The following TBC1D22A variants were observed in gnomAD, a reference collection of about 807,000 sequenced individuals.
The protein encoded by TBC1D22A is TBC1 domain family member 22A, also known as putative GTPase activator.
TBC1D22A carries 38 observed loss-of-function variants against 60.2 expected under a neutral mutation model. The ratio of observed to expected loss-of-function variants is 0.63; its 90% CI spans 0.49 to 0.83. The LOEUF (loss-of-function observed/expected upper bound fraction) is 0.83. Among genes scored for constraint, TBC1D22A ranks in the 40% least tolerant of loss-of-function variants. TBC1D22A has a pLI of 0.00. For missense variants in TBC1D22A, 628 were observed against 701.0 expected, an observed-to-expected ratio of 0.90 and a Z score of 1.18; for synonymous variants, 302 against 281.7, an observed-to-expected ratio of 1.07 and a Z score of -0.72.
chr22:46,928,348 G>C (rs572530029), intron 8 of TBC1D22A, among the ~76,000 whole-genome samples: 155 of 152,330 alleles, frequency 1.0e-3, no homozygotes, highest in African/African-American at 3.5e-3. Flanking sequence ...CCAACCAGTA[G>C]TCCTGGGACG....
At chr22:47,131,165 G>A (rs2066665068) in intron 12 of TBC1D22A, among the ~76,000 whole-genome samples, 1 of 152,182 alleles carries the variant, frequency 6.6e-6, no homozygotes, top group South Asian at 2.1e-4. Flanking sequence ...TGACCCAGAT[G>A]CCTCCCACCA....
intron 12 of TBC1D22A, among the ~76,000 whole-genome samples, chr22:47,165,174 C>T (rs539762083): frequency 1.8e-4 from 28 of 152,168 alleles, no homozygotes; most frequent in African/African-American, 6.0e-4. Context: ...TGCCAGGGCT[C>T]GTGATTGCCA....
intron 4 of TBC1D22A, among the ~76,000 whole-genome samples, chr22:46,852,870 A>G (rs1050741533): frequency 2.0e-5 from 3 of 152,096 alleles, no homozygotes; most frequent in African/African-American, 7.2e-5. Flanking sequence ...CTGGAGTTCC[A>G]TGTCACTGGC....
chr22:46,825,191 A>G (rs1219182296), intron 4 of TBC1D22A, among the ~76,000 whole-genome samples: 1 of 152,174 alleles, frequency 6.6e-6, no homozygotes, highest in Non-Finnish European at 1.5e-5. Flanking sequence ...AATAACTTAA[A>G]ATCGATGACT....
At position 47,077,281 on chromosome 22, in the gene TBC1D22A, A is replaced by G. The variant is rs573455612; in HGVS notation, c.1330-34227A>G. On this transcript the variant is annotated intron_variant, in intron 11 of 12. Coordinates refer to ENST00000337137, the MANE Select transcript of TBC1D22A (RefSeq NM_014346.5). Reference sequence around the variant, plus strand: ...TACATACTATCTCCTCTGCCTAGACATCTTTTCCTCTTTCCCTGGTGAGTG... The same window carrying G: ...TACATACTATCTCCTCTGCCTAGACGTCTTTTCCTCTTTCCCTGGTGAGTG... Among the ~76,000 whole-genome samples the G allele has an allele frequency of 2.2e-4, 34 of 152,260 alleles. No individual in the cohort carries two copies. The East Asian group carries it at 2.3e-3, about 10-fold the overall frequency.
At chr22:46,833,578 A>C (rs2086399426) in intron 4 of TBC1D22A, among the ~76,000 whole-genome samples, 1 of 152,214 alleles carries the variant, frequency 6.6e-6, no homozygotes, top group Non-Finnish European at 1.5e-5. Context: ...GATAAGACTC[A>C]AGCCAGCAAC....
rs1336323510 is a variant in TBC1D22A, at chr22:47,024,796, G to A, written c.1202-12275G>A. Among the ~76,000 whole-genome samples, 4 of 152,254 alleles carry A rather than the reference G, an allele frequency of 2.6e-5. No individual in the cohort carries two copies. In the East Asian group the frequency reaches 7.7e-4, roughly 29 times the overall value. On this transcript the variant is annotated intron_variant, in intron 10 of 12. Coordinates refer to ENST00000337137, the MANE Select transcript of TBC1D22A (RefSeq NM_014346.5). ...TGCTTGGGCCCAGGAAGTCAAGGCT[G>A]CAGTGAGCCATGATCACGCTGCAGC...
chr22:47,129,624 G>A, intron 12 of TBC1D22A, among the ~76,000 whole-genome samples: 1 of 152,376 alleles, frequency 6.6e-6, no homozygotes, highest in South Asian at 2.1e-4. Context: ...CCTAGAGGAA[G>A]GCTCAGCAGA....
chr22:47,107,625 CTGAT>C (rs2065686759), intron 11 of TBC1D22A, among the ~76,000 whole-genome samples: 1 of 152,176 alleles, frequency 6.6e-6, no homozygotes, highest in Non-Finnish European at 1.5e-5. Context: ...AGTCAGAAGA[CTGAT>C]TAAGAGCTAT....
chr22:46,784,356 T>C (rs933250875), intron 1 of TBC1D22A, among the ~76,000 whole-genome samples: 1 of 152,208 alleles, frequency 6.6e-6, no homozygotes, highest in African/African-American at 2.4e-5. Context: ...CCACCATACC[T>C]GGCTGGTTAA....
intron 9 of TBC1D22A, among the ~76,000 whole-genome samples, chr22:46,982,469 G>T (rs561815104): frequency 1.3e-5 from 2 of 150,382 alleles, no homozygotes; most frequent in East Asian, 4.0e-4. Context: ...TGATCCACCC[G>T]CCTCGGCCTC....
chr22:46,808,555 T>C (rs2147011714), intron 4 of TBC1D22A, among the ~76,000 whole-genome samples: 1 of 152,022 alleles, frequency 6.6e-6, no homozygotes, highest in East Asian at 1.9e-4. Flanking sequence ...TTATTGTGTG[T>C]GGTGAAATGT....
chr22:46,769,567 A>G (rs1375990342), intron 1 of TBC1D22A, among the ~76,000 whole-genome samples: 2 of 152,082 alleles, frequency 1.3e-5, no homozygotes, highest in East Asian at 1.9e-4. Context: ...ACCTGGCTGT[A>G]CAGCAGGAAC....
intron 4 of TBC1D22A, among the ~76,000 whole-genome samples, chr22:46,833,678 A>G (rs2086403224): frequency 6.6e-6 from 1 of 152,250 alleles, no homozygotes. Flanking sequence ...ACAACTGAGC[A>G]GAGGAGCTTG....
At chr22:46,917,846 T>C (rs1415733341) in intron 8 of TBC1D22A, among the ~76,000 whole-genome samples, 1 of 152,158 alleles carries the variant, frequency 6.6e-6, no homozygotes. Context: ...GCAATGGGGC[T>C]GTCCCACAGG....
At chr22:46,980,839 G>A (rs2074486445) in intron 9 of TBC1D22A, among the ~76,000 whole-genome samples, 1 of 152,138 alleles carries the variant, frequency 6.6e-6, no homozygotes, top group East Asian at 1.9e-4. Context: ...TGAGAGTGAA[G>A]CCACTGAATA....
chr22:46,911,804 AG>A (rs1023305381), intron 7 of TBC1D22A, among the ~76,000 whole-genome samples: 10 of 151,968 alleles, frequency 6.6e-5, no homozygotes, highest in Non-Finnish European at 2.9e-5. Context: ...CTGTAGTCCC[AG>A]CTACTTGGAA....
At chr22:46,826,336 A>G (rs1291981039) in intron 4 of TBC1D22A, among the ~76,000 whole-genome samples, 1 of 152,108 alleles carries the variant, frequency 6.6e-6, no homozygotes, top group Non-Finnish European at 1.5e-5. Flanking sequence ...AGTTTTTCCC[A>G]TTAAACACTG....
chr22:46,907,667 G>A (rs558947844), intron 7 of TBC1D22A, among the ~76,000 whole-genome samples: 2 of 152,302 alleles, frequency 1.3e-5, no homozygotes, highest in East Asian at 3.9e-4. Context: ...GCCACAAAGA[G>A]CTTCCCAGTC....
Sources: gnomAD v4.1 joint callset for allele counts (sites outside exome capture counted in the v4.1 genomes callset) on GRCh38, gnomAD v4.1.1 for gene constraint, MANE v1.5 for transcripts, NCBI Gene and HGNC (gene_info 2026-07-23, HGNC 2026-07-21) for gene names.